Variants in NNMT observed in about 807,000 individuals in gnomAD.
The protein encoded by NNMT is nicotinamide N-methyltransferase.
NNMT carries 10 observed loss-of-function variants against 11.7 expected under a neutral mutation model. The observed-to-expected ratio is 0.85, with a 90% CI of 0.53 to 1.45. NNMT has a LOEUF of 1.45. Among genes scored for constraint, NNMT ranks in the 40% most tolerant of loss-of-function variants. NNMT has a pLI of 0.00. For synonymous variants in NNMT, 143 were observed against 133.8 expected (o/e 1.07, Z -0.48); for missense variants, 381 against 319.4 (o/e 1.19, Z -1.47).
At chr11:114,311,271 A>T (rs879887892) in intron 2 of NNMT, among the ~76,000 whole-genome samples, 3 of 152,344 alleles carry the variant, frequency 2.0e-5, no homozygotes, top group Admixed American at 2.0e-4. Context: ...TTGAGGCTGC[A>T]GTGAGCTGTG....
At chr11:114,306,778 A>T (rs1945496507) in intron 2 of NNMT, among the ~76,000 whole-genome samples, 1 of 152,078 alleles carries the variant, frequency 6.6e-6, no homozygotes, top group Non-Finnish European at 1.5e-5. Flanking sequence ...GAAGTCAGGT[A>T]GTGTGCTCCT....
At chr11:114,287,862 C>T (rs1013042238) in intron 2 of NNMT, among the ~76,000 whole-genome samples, 3 of 152,278 alleles carry the variant, frequency 2.0e-5, no homozygotes, top group South Asian at 4.1e-4. Context: ...GTCCCCCCAT[C>T]CATGAAGTGG....
intron 2 of NNMT, among the ~76,000 whole-genome samples, chr11:114,287,731 C>G (rs1052016297): frequency 2.6e-5 from 4 of 152,168 alleles, no homozygotes; most frequent in Admixed American, 6.5e-5. Flanking sequence ...GCCCTTGGCA[C>G]TGTCATATAA....
At chr11:114,294,476 T>TC (rs1945358121), upstream of NNMT, among the ~76,000 whole-genome samples, 1 of 9,284 alleles carries the variant, frequency 1.1e-4, no homozygotes, top group Admixed American at 9.9e-4. Context: ...AGACTCCACA[T>TC]CAAAAAAAAA....
upstream of NNMT, among the ~76,000 whole-genome samples, chr11:114,292,239 G>T (rs1945340411): frequency 6.6e-6 from 1 of 151,996 alleles, no homozygotes; most frequent in African/African-American, 2.4e-5. Context: ...AGCATGTTTA[G>T]CTTTTTAGCA....
chr11:114,291,530 C>T (rs1005847284), upstream of NNMT, among the ~76,000 whole-genome samples: 1 of 151,992 alleles, frequency 6.6e-6, no homozygotes, highest in Non-Finnish European at 1.5e-5. Context: ...TGTTTTGTTT[C>T]TGAGGTCTGG....
intron 2 of NNMT, among the ~76,000 whole-genome samples, chr11:114,304,719 G>A (rs566141103): frequency 1.1e-4 from 17 of 152,272 alleles, no homozygotes; most frequent in Middle Eastern, 3.4e-3. Flanking sequence ...GTGCACACCC[G>A]TATTCCCAGC....
intron 2 of NNMT, among the ~76,000 whole-genome samples, chr11:114,290,977 TA>T (rs1353073263): frequency 1.3e-5 from 2 of 152,254 alleles, no homozygotes; most frequent in African/African-American, 4.8e-5. Context: ...ACATCTTTTG[TA>T]GTCTTTGGTG....
chr11:114,271,587 A>G (rs1186741921), intron 2 of NNMT, among the ~76,000 whole-genome samples: 1 of 152,300 alleles, frequency 6.6e-6, no homozygotes. Flanking sequence ...TTTAGCCTCA[A>G]GCCAAGCATG....
intron 1 of NNMT, among the ~76,000 whole-genome samples, chr11:114,261,494 G>A (rs1044021467): frequency 6.6e-6 from 1 of 152,222 alleles, no homozygotes; most frequent in Non-Finnish European, 1.5e-5. Context: ...TGAGGCAGGA[G>A]AATCGCTTGA....
chr11:114,258,626 G>A (rs1015273272), intron 1 of NNMT, among the ~76,000 whole-genome samples: 11 of 152,166 alleles, frequency 7.2e-5, no homozygotes, highest in Admixed American at 5.9e-4. Context: ...TGCCCAGAGC[G>A]ATTTTCCAAA....
At chr11:114,289,948 G>C (rs1312538703) in intron 2 of NNMT, among the ~76,000 whole-genome samples, 1 of 152,168 alleles carries the variant, frequency 6.6e-6, no homozygotes. Flanking sequence ...GTGAGGGCCT[G>C]TTTCCTTCTT....
Position 114,258,902 on chromosome 11 carries a change from G to T in NNMT, c.-217+1024G>T, listed in dbSNP as rs530756984. Among the ~76,000 whole-genome samples, 3 of 152,226 alleles carry T rather than the reference G, an allele frequency of 2.0e-5. No individual in the cohort carries two copies. In the East Asian group the frequency reaches 5.8e-4, roughly 30 times the overall value. On this transcript the variant is annotated intron_variant, in intron 1 of 4. Coordinates refer to the NNMT transcript ENST00000535401. ...GTGCGTGTGCTGTTTCCTCTTCTGA[G>T]AGCTACGCAAACACACACACCCCTT...
chr11:114,277,247 A>AAAAAG (rs1312203386), intron 2 of NNMT, among the ~76,000 whole-genome samples: 1 of 152,174 alleles, frequency 6.6e-6, no homozygotes, highest in Non-Finnish European at 1.5e-5. Flanking sequence ...TAAATAAAAG[A>AAAAAG]AAAAGAAAAG....
chr11:114,286,646 T>C (rs983807024), intron 2 of NNMT, among the ~76,000 whole-genome samples: 2 of 152,248 alleles, frequency 1.3e-5, no homozygotes, highest in African/African-American at 4.8e-5. Flanking sequence ...GTAGTTCTAA[T>C]TGGTTCATTT....
upstream of NNMT, among the ~76,000 whole-genome samples, chr11:114,293,557 A>ATTG (rs1945349572): frequency 2.7e-5 from 4 of 146,132 alleles, no homozygotes; most frequent in African/African-American, 5.0e-5. Context: ...ATCATATCTC[A>ATTG]TAGTTTTGAT....
Position 114,307,398 on chromosome 11 carries a change from G to A in NNMT, c.363-4647G>A, listed in dbSNP as rs181667260. Among the ~76,000 whole-genome samples, 206 of 152,160 alleles carry A rather than the reference G, an allele frequency of 1.4e-3. 1 individual carries two copies. Among genetic ancestry groups the A allele is most frequent in the African/African-American group, 4.7e-3 (194 of 41,504 alleles). On this transcript the variant is annotated intron_variant, in intron 2 of 2. Transcript: ENST00000299964. ...CATATCTAACTTAACATCAAGCTCTGTCCATTTTACTTCCTGACTTCCTCT... is the reference window on the plus strand; with the variant it reads ...CATATCTAACTTAACATCAAGCTCTATCCATTTTACTTCCTGACTTCCTCT...
At chr11:114,278,050 T>C (rs1945227878) in intron 2 of NNMT, among the ~76,000 whole-genome samples, 2 of 152,216 alleles carry the variant, frequency 1.3e-5, no homozygotes, top group Non-Finnish European at 2.9e-5. Context: ...CATTTTGCAA[T>C]GCCGTAAAGG....
chr11:114,259,780 C>T (rs1408446553), intron 1 of NNMT, among the ~76,000 whole-genome samples: 1 of 152,212 alleles, frequency 6.6e-6, no homozygotes, highest in African/African-American at 2.4e-5. Flanking sequence ...AAACTGATTG[C>T]TGTACACTAA....
Sources: allele counts gnomAD v4.1 joint callset (sites outside exome capture counted in the v4.1 genomes callset), GRCh38; gene constraint gnomAD v4.1.1; transcripts MANE v1.5; gene names NCBI Gene and HGNC (gene_info 2026-07-23, HGNC 2026-07-21).